The following AFG2A variants were observed in gnomAD, a reference collection of about 807,000 sequenced individuals.
The protein encoded by AFG2A is ATPase family gene 2 protein homolog A.
chr4:123,150,431 A>G, the AFG2A span, among the ~76,000 whole-genome samples: 1 of 152,248 alleles, frequency 6.6e-6, no homozygotes, highest in Non-Finnish European at 1.5e-5. Flanking sequence ...GCAAAGTCCC[A>G]GGATACAAAA....
the AFG2A span, among the ~76,000 whole-genome samples, chr4:123,161,237 T>G: frequency 6.6e-6 from 1 of 152,220 alleles, no homozygotes; most frequent in African/African-American, 2.4e-5. Context: ...AAGTTTATGT[T>G]TATCATATAC....
chr4:122,970,920 G>C, the AFG2A span, among the ~76,000 whole-genome samples: 6 of 152,184 alleles, frequency 3.9e-5, no homozygotes, highest in Non-Finnish European at 8.8e-5. Flanking sequence ...TGCAACCTCT[G>C]CCTCCCGGGT....
chr4:122,990,714 G>A, the AFG2A span, among the ~76,000 whole-genome samples: 1 of 152,124 alleles, frequency 6.6e-6, no homozygotes, highest in Non-Finnish European at 1.5e-5. Flanking sequence ...TCAGCCTTCT[G>A]AGCAGTTGGA....
chr4:123,153,162 C>G, the AFG2A span, among the ~76,000 whole-genome samples: 1 of 152,188 alleles, frequency 6.6e-6, no homozygotes, highest in South Asian at 2.1e-4. Context: ...TCCACAGTGG[C>G]TCACCTATGT....
At chr4:122,939,950 A>G in the AFG2A span, among the ~76,000 whole-genome samples, 3 of 152,212 alleles carry the variant, frequency 2.0e-5, no homozygotes, top group Non-Finnish European at 2.9e-5. Context: ...GTCCCTGTAA[A>G]GGACATGAAC....
At chr4:123,106,925 G>A in the AFG2A span, among the ~76,000 whole-genome samples, 3 of 152,372 alleles carry the variant, frequency 2.0e-5, no homozygotes, top group East Asian at 5.8e-4. Context: ...ACTATGCACA[G>A]TCAGGCACAC....
At chr4:123,262,552 G>A in the AFG2A span, among the ~76,000 whole-genome samples, 1 of 152,170 alleles carries the variant, frequency 6.6e-6, no homozygotes, top group African/African-American at 2.4e-5. Flanking sequence ...CTGAATATTT[G>A]ATAAAAGTTT....
chr4:123,289,436 C>G, the AFG2A span, among the ~76,000 whole-genome samples: 1 of 152,208 alleles, frequency 6.6e-6, no homozygotes, highest in Non-Finnish European at 1.5e-5. Context: ...TAGGTTGATT[C>G]CATACCCTTG....
chr4:122,984,474 C>T, the AFG2A span, among the ~76,000 whole-genome samples: 1 of 152,156 alleles, frequency 6.6e-6, no homozygotes. Flanking sequence ...CTGGCTAGGA[C>T]TTCCAATACT....
chr4:122,961,177 G>T, the AFG2A span, among the ~76,000 whole-genome samples: 2 of 152,164 alleles, frequency 1.3e-5, no homozygotes, highest in Admixed American at 1.3e-4. Context: ...GGCAGCAGTG[G>T]TGATGGTTTA....
chr4:122,965,323 T>C, the AFG2A span, among the ~76,000 whole-genome samples: 22 of 152,246 alleles, frequency 1.4e-4, no homozygotes, highest in Non-Finnish European at 2.9e-5. Flanking sequence ...GACAAGATGA[T>C]GTTTGTTGTT....
At chr4:123,172,265 T>C in the AFG2A span, among the ~76,000 whole-genome samples, 1 of 152,206 alleles carries the variant, frequency 6.6e-6, no homozygotes, top group Non-Finnish European at 1.5e-5. Flanking sequence ...CCTAACACTT[T>C]ATAAAAATTG....
the AFG2A span, among the ~76,000 whole-genome samples, chr4:123,186,548 T>A: frequency 6.6e-6 from 1 of 152,210 alleles, no homozygotes; most frequent in African/African-American, 2.4e-5. Context: ...TTGTAAGTTT[T>A]AGTTTTCTAC....
chr4:122,992,590 T>C, the AFG2A span, among the ~76,000 whole-genome samples: 4 of 152,232 alleles, frequency 2.6e-5, no homozygotes, highest in East Asian at 3.8e-4. Flanking sequence ...AAAAATAGTA[T>C]AGTGGGCATT....
chr4:123,119,235 C>A, the AFG2A span, among the ~76,000 whole-genome samples: 4 of 151,830 alleles, frequency 2.6e-5, no homozygotes, highest in African/African-American at 7.3e-5. Context: ...TTTTGTTTAC[C>A]GGTAAGTCAC....
chr4:123,012,575 C>T, the AFG2A span, among the ~76,000 whole-genome samples: 1 of 152,306 alleles, frequency 6.6e-6, no homozygotes, highest in East Asian at 1.9e-4. Flanking sequence ...ATCAGGCAGG[C>T]ATCCCCGCAG....
At chr4:123,295,803 T>C in the AFG2A span, among the ~76,000 whole-genome samples, 4 of 152,124 alleles carry the variant, frequency 2.6e-5, no homozygotes, top group African/African-American at 9.7e-5. Context: ...TCCCAGCTAT[T>C]TGGGAGGCTG....
the AFG2A span, among the ~76,000 whole-genome samples, chr4:123,053,733 C>T: frequency 6.6e-6 from 1 of 152,122 alleles, no homozygotes; most frequent in East Asian, 1.9e-4. Flanking sequence ...GACTGGGCCC[C>T]CTTGGACTCT....
the AFG2A span, among the ~76,000 whole-genome samples, chr4:123,139,515 G>A: frequency 6.6e-6 from 1 of 151,958 alleles, no homozygotes; most frequent in Non-Finnish European, 1.5e-5. Flanking sequence ...ATTTTGATTT[G>A]GAAAAGCCAC....
Sources: gnomAD v4.1 joint callset for allele counts (sites outside exome capture counted in the v4.1 genomes callset) on GRCh38, gnomAD v4.1.1 for gene constraint, MANE v1.5 for transcripts, NCBI Gene and HGNC (gene_info 2026-07-23, HGNC 2026-07-21) for gene names.